Variants in NUDT14 observed in about 807,000 individuals in gnomAD.
NUDT14 encodes nudix hydrolase 14, also known as uridine diphosphate glucose pyrophosphatase NUDT14.
In NUDT14, 22 loss-of-function variants were observed where a neutral mutation model predicts 17.5. That is an observed-to-expected ratio of 1.26 (90% CI 0.90 to 1.80). The LOEUF (loss-of-function observed/expected upper bound fraction) is 1.80, where lower values mean the gene tolerates loss of function less well. Among genes scored for constraint, NUDT14 ranks in the 40% most tolerant of loss-of-function variants. The pLI, the probability that NUDT14 is intolerant of heterozygous loss-of-function variation, is 0.00. For missense variants in NUDT14, 296 were observed against 295.6 expected, an observed-to-expected ratio of 1.00 and a Z score of -0.01; for synonymous variants, 129 against 125.8, an observed-to-expected ratio of 1.03 and a Z score of -0.17.
chr14:105,177,761 A>C, intron 1 of NUDT14, 26 bp from the exon 2 acceptor site: 1 of 1,610,710 alleles, frequency 6.2e-7, no homozygotes, highest in Non-Finnish European at 8.5e-7. Context: ...CAGCGGTTAG[A>C]ATGTCCCAGG....
Position 105,181,034 on chromosome 14 carries a change from G to T in NUDT14, c.81+95C>A. On this transcript the variant is annotated intron_variant, in intron 1 of 4. Coordinates refer to ENST00000392568, the MANE Select transcript of NUDT14 (RefSeq NM_177533.5). The surrounding 1 kb of genome is among the most constrained non-coding windows in gnomAD (Gnocchi z 5.0). ...GGCGGGAGGCGGGGGCGGGGCTCCG[G>T]GGCGGGGCCGGCAGCGCGGAAGATG... 3.1e-6 allele frequency: 1 copy of T among 325,552 alleles called. No homozygotes were observed. The highest frequency in any genetic ancestry group is 4.5e-6 in the Non-Finnish European group (1 of 222,612). 20.2% of individuals were successfully genotyped at this position (325,552 alleles called of 1,614,324 possible).
chr14:105,175,243 A>G (rs1351533881), intron 4 of NUDT14, among the ~76,000 whole-genome samples: 2 of 152,096 alleles, frequency 1.3e-5, no homozygotes, highest in African/African-American at 4.8e-5. Flanking sequence ...AGCCCCTCCC[A>G]TGCCTCCCGG....
At position 105,173,062 on chromosome 14, in the gene NUDT14, A is replaced by T; in HGVS notation, c.628T>A (p.Trp210Arg). 1 of 1,531,878 alleles carries T rather than the reference A, an allele frequency of 6.5e-7. No homozygotes were observed. Among genetic ancestry groups the T allele is most frequent in the Non-Finnish European group, 8.8e-7 (1 of 1,138,804 alleles). 94.9% of individuals were successfully genotyped at this position (1,531,878 alleles called of 1,614,324 possible). ...KTLGVIFGVS[W>R]FLSQVAPNLD... ...TTGGGGGCCACCTGGCTGAGGAACCATGAGACACCAAAGATGACGCCGAGG... is the reference window on the plus strand; with the variant it reads ...TTGGGGGCCACCTGGCTGAGGAACCTTGAGACACCAAAGATGACGCCGAGG... The change falls in exon 5 of 5, where the codon TGG becomes AGG. Residue 210 changes from tryptophan (W) to arginine (R), a missense_variant. By Grantham distance (101) the Trp-to-Arg change is moderately radical (BLOSUM62 -3). Transcript: ENST00000392568. This position sits in a 1 kb window ranked among gnomAD's most constrained non-coding sequence, Gnocchi z 4.7.
intron 2 of NUDT14, 120 bp downstream of exon 2, chr14:105,177,572 T>C: frequency 1.1e-6 from 1 of 904,108 alleles, no homozygotes; most frequent in East Asian, 2.4e-5. Flanking sequence ...AAGGGACTTT[T>C]GGAGCCCACG....
At chr14:105,175,278 G>A (rs1889186488) in intron 4 of NUDT14, among the ~76,000 whole-genome samples, 1 of 152,260 alleles carries the variant, frequency 6.6e-6, no homozygotes, top group Admixed American at 6.5e-5. Flanking sequence ...ATGGGCTGGG[G>A]AGCTGGGGGC....
intron 4 of NUDT14, 58 bp downstream of exon 4, chr14:105,176,476 C>T: frequency 7.3e-7 from 1 of 1,376,730 alleles, no homozygotes; most frequent in Non-Finnish European, 1.0e-6. Context: ...GGACGGGGCC[C>T]TCACTCTCTC....
At chr14:105,177,601 GGGA>G in intron 2 of NUDT14, 88 bp downstream of exon 2, 1 of 1,229,236 alleles carries the variant, frequency 8.1e-7, no homozygotes, top group Non-Finnish European at 1.2e-6. Flanking sequence ...AGCAACGTCA[GGGA>G]GGAGAGGGCA....
Position 105,177,743 on chromosome 14 carries a change from G to A in NUDT14, c.82-8C>T, listed in dbSNP as rs769372298. 1 of 1,612,206 alleles carries A rather than the reference G, an allele frequency of 6.2e-7. No homozygotes were observed. Among genetic ancestry groups the A allele is most frequent in the Admixed American group, 1.7e-5 (1 of 60,006 alleles). ...GGACTTCTGGGCACCATTCTAGAAGGGGCAGGTCAGCGGTTAGAATGTCCC... is the reference window on the plus strand; with the variant it reads ...GGACTTCTGGGCACCATTCTAGAAGAGGCAGGTCAGCGGTTAGAATGTCCC... On this transcript the variant is annotated splice_polypyrimidine_tract_variant and splice_region_variant and intron_variant, in intron 1 of 4. Transcript: ENST00000392568.
chr14:105,176,381 AG>A (rs1219084361), intron 4 of NUDT14, 152 bp downstream of exon 4: 22 of 684,182 alleles, frequency 3.2e-5, no homozygotes, highest in Middle Eastern at 5.6e-4. Context: ...GGCCTGGCTT[AG>A]GAGCTGAGGC....
At chr14:105,180,229 G>A (rs1193041524) in intron 1 of NUDT14, among the ~76,000 whole-genome samples, 1 of 152,216 alleles carries the variant, frequency 6.6e-6, no homozygotes, top group Non-Finnish European at 1.5e-5. Context: ...GCTTTGGGAA[G>A]CCAAGGCAGG....
At chr14:105,175,173 C>T (rs587754228) in intron 4 of NUDT14, among the ~76,000 whole-genome samples, 11 of 152,314 alleles carry the variant, frequency 7.2e-5, no homozygotes, top group Admixed American at 2.0e-4. Flanking sequence ...AGAGCCTGTG[C>T]GGTCCCTCTG....
Position 105,173,473 on chromosome 14 carries a change from G to A in NUDT14, c.429-212C>T. On this transcript the variant is annotated intron_variant, in intron 4 of 4. Coordinates refer to ENST00000392568, the MANE Select transcript of NUDT14 (RefSeq NM_177533.5). This position sits in a 1 kb window ranked among gnomAD's most constrained non-coding sequence, Gnocchi z 4.7. The stretch of plus-strand genomic sequence containing the variant: ...AGGGCATCCCTTCCCTGATCACGTT[G>A]TACTCGCCAGGTGGGGTGGGTGTTG... 2.3e-6 allele frequency: 1 copy of A among 435,466 alleles called. No homozygotes were observed. Among genetic ancestry groups the A allele is most frequent in the Non-Finnish European group, 3.9e-6 (1 of 254,398 alleles). The allele number at this position is 435,466 out of a possible 1,614,324, so 27.0% of individuals were successfully genotyped here.
intron 1 of NUDT14, among the ~76,000 whole-genome samples, chr14:105,179,975 T>C (rs1047164044): frequency 2.0e-5 from 3 of 152,112 alleles, no homozygotes; most frequent in African/African-American, 7.2e-5. Flanking sequence ...CCTGACCTGA[T>C]AGGCTGGGGG....
rs370941955 is a variant in NUDT14 at position 105,177,027 on chromosome 14, G to A, written c.126C>T (p.Ser42=). Residue 42 remains serine, a splice_region_variant and synonymous_variant, in exon 3 of 5, where the codon AGC becomes AGT. Transcript: ENST00000392568. ...AAGAGTTGAATAAGAGAACGGTCAC[G>A]CTGTGTACGGGGGGAGGGGCTCAGC... is the stretch of plus-strand genomic sequence containing the variant. The part of the protein sequence containing the change: ...KSWDFMKTHD[S]VTVLLFNSSR... 2.5e-5 allele frequency: 40 copies of A among 1,611,108 alleles called. No individual in the cohort carries two copies. The highest frequency in any genetic ancestry group is 4.4e-5 in the South Asian group (4 of 90,844).
At chr14:105,178,192 C>T (rs1055355762) in intron 1 of NUDT14, among the ~76,000 whole-genome samples, 10 of 151,646 alleles carry the variant, frequency 6.6e-5, no homozygotes, top group Admixed American at 2.6e-4. Context: ...CAGGTGGAGA[C>T]GGGAGGGCAG....
chr14:105,178,823 G>GGCAGAGGC (rs910151134), intron 1 of NUDT14, among the ~76,000 whole-genome samples: 9 of 152,220 alleles, frequency 5.9e-5, no homozygotes, highest in African/African-American at 1.9e-4. Context: ...ACTCTGGGCA[G>GGCAGAGGC]GCAGAGGCGC....
At chr14:105,177,413 T>C (rs1566778018) in intron 2 of NUDT14, 10 of 549,344 alleles carry the variant, frequency 1.8e-5, no homozygotes, top group Non-Finnish European at 2.6e-5. Flanking sequence ...CCCTGGATGC[T>C]AGGGGCAAAG....
Position 105,173,400 on chromosome 14 carries a change from C to A in NUDT14, c.429-139G>T. ...AGGCAGGACTCTGGGATGCCCTCTC[C>A]CACCCGGATTCCCACCTGGTGTGCA... On this transcript the variant is annotated intron_variant, in intron 4 of 4. Coordinates refer to ENST00000392568, the MANE Select transcript of NUDT14 (RefSeq NM_177533.5). The surrounding 1 kb of genome is among the most constrained non-coding windows in gnomAD (Gnocchi z 4.7). 1 of 999,850 alleles carries A rather than the reference C, an allele frequency of 1.0e-6. No individual in the cohort carries two copies. Among genetic ancestry groups the A allele is most frequent in the Non-Finnish European group, 1.3e-6 (1 of 750,422 alleles). The allele number at this position is 999,850 out of a possible 1,614,324, so 61.9% of individuals were successfully genotyped here.
chr14:105,174,623 C>T (rs1410915105), intron 4 of NUDT14, among the ~76,000 whole-genome samples: 4 of 152,186 alleles, frequency 2.6e-5, no homozygotes, highest in Non-Finnish European at 5.9e-5. Context: ...TCCTGATGGC[C>T]CATTTCCGGC....
Sources: allele counts gnomAD v4.1 joint callset (sites outside exome capture counted in the v4.1 genomes callset), GRCh38; gene constraint gnomAD v4.1.1; non-coding constraint Gnocchi (gnomAD v3.1); transcripts MANE v1.5; gene names NCBI Gene and HGNC (gene_info 2026-07-23, HGNC 2026-07-21).